Variants in RGL1 observed in about 807,000 individuals in gnomAD.
The protein encoded by RGL1 is ral guanine nucleotide dissociation stimulator like 1.
In RGL1, 24 loss-of-function variants were observed where a neutral mutation model predicts 95.2. The observed-to-expected ratio is 0.25, with a 90% confidence interval of 0.18 to 0.35. RGL1 has a LOEUF of 0.35. Among genes scored for constraint, RGL1 ranks in the 10% least tolerant of loss-of-function variants. The pLI, the probability that RGL1 is intolerant of heterozygous loss-of-function variation, is 1.00. For missense variants in RGL1, 715 were observed against 936.3 expected (o/e 0.76, Z 3.08); for synonymous variants, 329 against 344.9 (o/e 0.95, Z 0.51).
At chr1:183,890,438 A>G (rs1186218981) in intron 8 of RGL1, among the ~76,000 whole-genome samples, 1 of 152,188 alleles carries the variant, frequency 6.6e-6, no homozygotes, top group Admixed American at 6.5e-5. Context: ...CATTCTGTGT[A>G]ACATATGTTT....
chr1:183,812,846 C>T (rs1207266288), intron 2 of RGL1, among the ~76,000 whole-genome samples: 2 of 152,104 alleles, frequency 1.3e-5, no homozygotes, highest in East Asian at 1.9e-4. Flanking sequence ...CTGTGAGGCT[C>T]AGCCTGGGGA....
chr1:183,639,810 T>A (rs941260919), intron 1 of RGL1, among the ~76,000 whole-genome samples: 5 of 151,496 alleles, frequency 3.3e-5, no homozygotes, highest in African/African-American at 1.2e-4. Flanking sequence ...TACATATACA[T>A]CAAAGAAGGG....
Position 183,880,801 on chromosome 1 carries a change from G to T in RGL1, c.610+1G>T, listed in dbSNP as rs1461566213. 1 of 1,613,222 alleles carries T rather than the reference G, an allele frequency of 6.2e-7. No individual in the cohort carries two copies. The highest frequency in any genetic ancestry group is 8.5e-7 in the Non-Finnish European group (1 of 1,179,408). ...CAGAAGCAAGAAGTGGAAACTGACA[G>T]TGAGTACTTGTTTGTTCCCAGGGAA... On this transcript the variant is annotated splice_donor_variant, in intron 5 of 17. Transcript: ENST00000360851. LOFTEE classifies it high-confidence loss of function.
intron 1 of RGL1, among the ~76,000 whole-genome samples, chr1:183,722,629 A>G (rs576809352): frequency 6.6e-6 from 1 of 152,340 alleles, no homozygotes; most frequent in African/African-American, 2.4e-5. Flanking sequence ...AAATAATTAC[A>G]ACAGAGTTTT....
At chr1:183,849,402 T>A (rs1250570542) in intron 3 of RGL1, among the ~76,000 whole-genome samples, 1 of 151,878 alleles carries the variant, frequency 6.6e-6, no homozygotes, top group Admixed American at 6.6e-5. Context: ...GATGAATCTA[T>A]CATAATCTTT....
At chr1:183,794,606 T>A (rs1041338554) in intron 2 of RGL1, among the ~76,000 whole-genome samples, 27 of 152,128 alleles carry the variant, frequency 1.8e-4, no homozygotes, top group South Asian at 2.1e-4. Flanking sequence ...TTTAAGAAAA[T>A]TTTTTAAAAA....
intron 1 of RGL1, among the ~76,000 whole-genome samples, chr1:183,691,962 A>G (rs1217955654): frequency 1.3e-5 from 2 of 151,804 alleles, no homozygotes; most frequent in African/African-American, 2.4e-5. Flanking sequence ...TTCAAAATGT[A>G]TTATCACTTC....
intron 6 of RGL1, among the ~76,000 whole-genome samples, chr1:183,884,206 TC>T (rs969460926): frequency 8.5e-5 from 13 of 152,356 alleles, no homozygotes; most frequent in African/African-American, 3.1e-4. Flanking sequence ...TGGGTATTTT[TC>T]TCCCTTTACA....
intron 2 of RGL1, among the ~76,000 whole-genome samples, chr1:183,842,964 C>T (rs548527987): frequency 6.6e-6 from 1 of 152,088 alleles, no homozygotes; most frequent in Non-Finnish European, 1.5e-5. Flanking sequence ...TTTGTGTTTC[C>T]CCTCTGTACA....
chr1:183,911,068 GTTTATC>G (rs891230949), intron 14 of RGL1, among the ~76,000 whole-genome samples: 2 of 152,178 alleles, frequency 1.3e-5, no homozygotes, highest in Non-Finnish European at 2.9e-5. Flanking sequence ...TGTATCACGA[GTTTATC>G]TTTATCAGGG....
At chr1:183,905,538 G>C (rs771433104) in intron 13 of RGL1, among the ~76,000 whole-genome samples, 1 of 152,234 alleles carries the variant, frequency 6.6e-6, no homozygotes, top group Non-Finnish European at 1.5e-5. Context: ...ATAAGAACCG[G>C]AAGAGAACAT....
chr1:183,672,555 A>T (rs1652541278), intron 1 of RGL1, among the ~76,000 whole-genome samples: 1 of 152,208 alleles, frequency 6.6e-6, no homozygotes, highest in Non-Finnish European at 1.5e-5. Flanking sequence ...TCTCCGGATC[A>T]GTCATCTAGT....
intron 1 of RGL1, among the ~76,000 whole-genome samples, chr1:183,708,288 G>T (rs767237727): frequency 6.6e-6 from 1 of 152,082 alleles, no homozygotes; most frequent in Non-Finnish European, 1.5e-5. Flanking sequence ...CATCCTGGAC[G>T]GCCGGAGGGA....
intron 1 of RGL1, among the ~76,000 whole-genome samples, chr1:183,692,678 C>G (rs1167479931): frequency 6.6e-6 from 1 of 152,148 alleles, no homozygotes; most frequent in Non-Finnish European, 1.5e-5. Flanking sequence ...TTAACTCTCA[C>G]TCTATAAACA....
intron 2 of RGL1, among the ~76,000 whole-genome samples, chr1:183,806,942 G>A (rs1661386338): frequency 6.6e-6 from 1 of 152,152 alleles, no homozygotes; most frequent in South Asian, 2.1e-4. Context: ...TTCCAAGTCT[G>A]CATCCTTTGA....
At chr1:183,647,892 G>A (rs777132854) in intron 1 of RGL1, 3 of 1,614,164 alleles carry the variant, frequency 1.9e-6, no homozygotes, top group Non-Finnish European at 2.5e-6. Flanking sequence ...GTCCCTGAGA[G>A]GCACTAGCAC....
chr1:183,712,496 AGTGT>A (rs754744519), intron 1 of RGL1, among the ~76,000 whole-genome samples: 1 of 151,816 alleles, frequency 6.6e-6, no homozygotes, highest in Non-Finnish European at 1.5e-5. Flanking sequence ...AGAGAGAGAG[AGTGT>A]GTGTGTGTGC....
chr1:183,737,059 T>C (rs1656983370), intron 1 of RGL1, among the ~76,000 whole-genome samples: 1 of 152,178 alleles, frequency 6.6e-6, no homozygotes, highest in Non-Finnish European at 1.5e-5. Context: ...AAATGATGTA[T>C]CAAACAAAGT....
Position 183,892,128 on chromosome 1 carries a change from T to A in RGL1, c.1107T>A (p.Asn369Lys). 1 of 1,612,958 alleles carries A rather than the reference T, an allele frequency of 6.2e-7. No individual in the cohort carries two copies. The highest frequency in any genetic ancestry group is 8.5e-7 in the Non-Finnish European group (1 of 1,179,358). ...TTTCAGATATCTTCTCAGACCATAA[T>A]AACCATTTGACCAGCCGAGAACTAC... ...EELSDIFSDH[N>K]NHLTSRELLM... Residue 369 changes from asparagine to lysine, a missense_variant, in exon 9 of 18, where the codon AAT (asparagine) becomes AAA (lysine). Transcript: ENST00000360851.
Sources: allele counts gnomAD v4.1 joint callset (sites outside exome capture counted in the v4.1 genomes callset), GRCh38; gene constraint gnomAD v4.1.1; transcripts MANE v1.5; gene names NCBI Gene and HGNC (gene_info 2026-07-23, HGNC 2026-07-21).